ROBO2: variants seen among roughly 807,000 people sequenced by gnomAD.
The protein encoded by ROBO2 is roundabout guidance receptor 2, also known as roundabout homolog 2.
ROBO2 carries 53 observed loss-of-function variants against 160.8 expected under a neutral mutation model. The ratio of observed to expected loss-of-function variants is 0.33; its 90% CI spans 0.26 to 0.41. ROBO2 has a LOEUF of 0.41. ROBO2 is among the 10% of genes least tolerant of loss of function. ROBO2 has a pLI of 1.00. For missense variants in ROBO2, 1,577 were observed against 1,722.4 expected (o/e 0.92, Z 1.49); for synonymous variants, 664 against 611.7 (o/e 1.09, Z -1.26).
chr3:77,470,387 C>A (rs2083232431), intron 2 of ROBO2, among the ~76,000 whole-genome samples: 1 of 152,112 alleles, frequency 6.6e-6, no homozygotes, highest in Non-Finnish European at 1.5e-5. Flanking sequence ...TGAACTAGGG[C>A]AGTGGAGAGA....
chr3:77,577,260 A>G (rs1208346004), intron 14 of ROBO2, among the ~76,000 whole-genome samples: 4 of 152,124 alleles, frequency 2.6e-5, no homozygotes, highest in Non-Finnish European at 5.9e-5. Context: ...TGTTAGCTGT[A>G]AATTTATTAT....
chr3:76,225,029 A>T (rs1704198585), intron 2 of ROBO2, among the ~76,000 whole-genome samples: 1 of 152,172 alleles, frequency 6.6e-6, no homozygotes, highest in Non-Finnish European at 1.5e-5. Flanking sequence ...TTCTAACAGA[A>T]AGTAACTATA....
At chr3:76,952,322 G>A (rs186657472) in intron 2 of ROBO2, among the ~76,000 whole-genome samples, 1 of 149,962 alleles carries the variant, frequency 6.7e-6, no homozygotes, top group East Asian at 2.0e-4. Context: ...TGCTCTTTTT[G>A]CCCAGGCTGG....
Position 76,145,914 on chromosome 3 carries a change from A to G in ROBO2, c.109+208312A>G, listed in dbSNP as rs111732513. On this transcript the variant is annotated intron_variant, in intron 2 of 26. Transcript: ENST00000487694. The stretch of plus-strand genomic sequence containing the variant: ...CACTAAACTTTGCATTTTTGCATCT[A>G]TAGAATTTATGAACAATAGTTTGAG... 9.3e-3 allele frequency among the ~76,000 whole-genome samples: 1,413 copies of G among 152,086 alleles called. 24 individuals are homozygous for G. Among genetic ancestry groups the G allele is most frequent in the African/African-American group, 0.032 (1,349 of 41,536 alleles).
At chr3:77,597,870 A>G (rs2094343282) in intron 19 of ROBO2, among the ~76,000 whole-genome samples, 2 of 152,178 alleles carry the variant, frequency 1.3e-5, no homozygotes, top group Admixed American at 1.3e-4. Flanking sequence ...TAGATAACAA[A>G]GGACCTTTTA....
chr3:77,648,232 T>G (rs2095425735), exon 26 of ROBO2: 1 of 152,160 alleles, frequency 6.6e-6, no homozygotes, highest in Non-Finnish European at 1.5e-5. Context: ...CTCTTTCTAT[T>G]TAAAGGCAAA....
chr3:77,274,277 A>G (rs1399873015), intron 2 of ROBO2, among the ~76,000 whole-genome samples: 3 of 152,168 alleles, frequency 2.0e-5, no homozygotes, highest in Non-Finnish European at 4.4e-5. Context: ...TTCATTGTCT[A>G]AGAAGCACTA....
intron 2 of ROBO2, among the ~76,000 whole-genome samples, chr3:76,021,690 T>G (rs2066579327): frequency 6.6e-6 from 1 of 151,808 alleles, no homozygotes; most frequent in South Asian, 2.1e-4. Context: ...CTAAAAACAA[T>G]GCACATACTT....
rs558678098 is a variant in ROBO2, at chr3:77,509,935, G to C, written c.807-12840G>C. Among the ~76,000 whole-genome samples, 3 of 152,164 alleles carry C rather than the reference G, an allele frequency of 2.0e-5. No homozygotes were observed. The South Asian group carries it at 6.2e-4, about 32-fold the overall frequency. On this transcript the variant is annotated intron_variant, in intron 5 of 25. Coordinates refer to ENST00000461745, the Ensembl canonical transcript of ROBO2. The stretch of plus-strand genomic sequence containing the variant: ...TAATCCCGTGTCAGCATAAGCAGAA[G>C]TAGTTGGGCTAAAGGGAGAGAGAGG...
At chr3:75,914,777 AGTT>A (rs1333354806) in intron 1 of ROBO2, among the ~76,000 whole-genome samples, 3 of 152,192 alleles carry the variant, frequency 2.0e-5, no homozygotes, top group African/African-American at 7.2e-5. Context: ...GAGATACAGT[AGTT>A]GTACAACAAA....
At chr3:77,391,938 G>A (rs1007215412) in intron 2 of ROBO2, among the ~76,000 whole-genome samples, 7 of 152,028 alleles carry the variant, frequency 4.6e-5, no homozygotes, top group Admixed American at 2.0e-4. Context: ...TTTTCCACAT[G>A]CTTTCTAATC....
chr3:77,161,368 G>A (rs1405385314), intron 2 of ROBO2, among the ~76,000 whole-genome samples: 1 of 152,152 alleles, frequency 6.6e-6, no homozygotes, highest in Non-Finnish European at 1.5e-5. Flanking sequence ...CGTACCACCA[G>A]TGTTAATTTA....
rs9829352 is a variant in ROBO2 at position 76,559,440 on chromosome 3, A to G, written c.110-538574A>G. Among the ~76,000 whole-genome samples, 207 of 152,278 alleles carry G rather than the reference A, an allele frequency of 1.4e-3. 1 individual carries two copies. The highest frequency in any genetic ancestry group is 4.9e-3 in the African/African-American group (202 of 41,572). On this transcript the variant is annotated intron_variant, in intron 2 of 26. Coordinates refer to the ROBO2 transcript ENST00000487694. Reference sequence around the variant, plus strand: ...GTGTACTGGGTGGAACATTTCAACCAATGTTTGAAAATTCGTTTTAACCAA... The same window carrying G: ...GTGTACTGGGTGGAACATTTCAACCGATGTTTGAAAATTCGTTTTAACCAA...
intron 2 of ROBO2, among the ~76,000 whole-genome samples, chr3:76,486,649 A>G (rs2079513915): frequency 6.6e-6 from 1 of 152,206 alleles, no homozygotes; most frequent in African/African-American, 2.4e-5. Flanking sequence ...CTCAAATATT[A>G]GAAAAACCAA....
chr3:76,117,039 G>A (rs1474744156), intron 2 of ROBO2, among the ~76,000 whole-genome samples: 1 of 152,158 alleles, frequency 6.6e-6, no homozygotes, highest in Non-Finnish European at 1.5e-5. Flanking sequence ...TTCAGTTACA[G>A]CTTCATCATA....
intron 2 of ROBO2, among the ~76,000 whole-genome samples, chr3:76,888,669 A>G (rs542290040): frequency 2.2e-4 from 33 of 152,156 alleles, no homozygotes; most frequent in Non-Finnish European, 4.4e-4. Context: ...AGTCTTTACC[A>G]TTGATGAATC....
In ROBO2 at chr3:77,579,837, C is replaced by G. The variant is rs547057855; in HGVS notation, c.2329-110C>G. ...ATGTCATTTGCAAAACTTCTATAAG[C>G]CTAGAAGATAGACAGGTTATGATTA... On this transcript the variant is annotated intron_variant, in intron 15 of 25. Coordinates refer to ENST00000461745, the Ensembl canonical transcript of ROBO2. 86 of 1,008,222 alleles carry G rather than the reference C, an allele frequency of 8.5e-5. No homozygotes were observed. In the African/African-American group the frequency reaches 1.1e-3, roughly 12 times the overall value. 62.5% of individuals were successfully genotyped at this position (1,008,222 alleles called of 1,614,324 possible).
intron 2 of ROBO2, among the ~76,000 whole-genome samples, chr3:76,533,189 A>C (rs2082318287): frequency 6.6e-6 from 1 of 152,214 alleles, no homozygotes; most frequent in African/African-American, 2.4e-5. Flanking sequence ...ATGCCACAAA[A>C]TTTAGGCATG....
At chr3:76,003,699 AT>A (rs1388860502) in intron 2 of ROBO2, among the ~76,000 whole-genome samples, 1 of 152,168 alleles carries the variant, frequency 6.6e-6, no homozygotes, top group African/African-American at 2.4e-5. Context: ...CTAATTTTTA[AT>A]TTTCCAAGGT....
Sources: allele counts gnomAD v4.1 joint callset (sites outside exome capture counted in the v4.1 genomes callset), GRCh38; gene constraint gnomAD v4.1.1; transcripts MANE v1.5; gene names NCBI Gene and HGNC (gene_info 2026-07-23, HGNC 2026-07-21).